CACNA2D3: variants seen among roughly 807,000 people sequenced by gnomAD.
The protein encoded by CACNA2D3 is voltage-dependent calcium channel subunit alpha-2/delta-3.
A neutral mutation model predicts 160.6 loss-of-function variants in CACNA2D3; 60 were observed. That is an observed-to-expected ratio of 0.37 (90% CI 0.30 to 0.46). The LOEUF (loss-of-function observed/expected upper bound fraction) is 0.46. Ranked by LOEUF, CACNA2D3 falls within the 20% of genes least tolerant of loss-of-function variation. CACNA2D3 has a pLI of 1.00. For missense variants in CACNA2D3, 1,205 were observed against 1,365.0 expected (o/e 0.88, Z 1.85); for synonymous variants, 558 against 492.9 (o/e 1.13, Z -1.75).
chr3:54,873,106 C>T (rs1205718112), intron 18 of CACNA2D3, among the ~76,000 whole-genome samples: 1 of 152,000 alleles, frequency 6.6e-6, no homozygotes, highest in African/African-American at 2.4e-5. Flanking sequence ...TTTTATTTTT[C>T]CCCAAGAAAA....
At position 54,518,193 on chromosome 3, in the gene CACNA2D3, G is replaced by A. The variant is rs184069180; in HGVS notation, c.544+14539G>A. ...ACTGTGTGTCAGCGTGGTTACGAGT[G>A]GTGGTTGGGGTCCCATCCCCGCTCC... On this transcript the variant is annotated intron_variant, in intron 5 of 37. Transcript: ENST00000474759. Among the ~76,000 whole-genome samples the A allele has an allele frequency of 2.8e-3, 427 of 152,290 alleles. 3 individuals are homozygous for A. Among genetic ancestry groups the A allele is most frequent in the African/African-American group, 9.8e-3 (408 of 41,578 alleles).
At chr3:54,195,540 A>G (rs913002051) in intron 2 of CACNA2D3, among the ~76,000 whole-genome samples, 3 of 152,174 alleles carry the variant, frequency 2.0e-5, no homozygotes, top group South Asian at 2.1e-4. Flanking sequence ...AGCCATGTGA[A>G]GTTGATGCAG....
rs1434561741 is a variant in CACNA2D3 at position 54,811,501 on chromosome 3, T to A, written c.1381-5352T>A. ...TTTTTTTTTTTTTTTTTTTTTTTTT[T>A]TTTTTTTTTTTTTTGAGACAGCATC... is the stretch of plus-strand genomic sequence containing the variant. On this transcript the variant is annotated intron_variant, in intron 13 of 37. Transcript: ENST00000474759. 3.1e-4 allele frequency among the ~76,000 whole-genome samples: 38 copies of A among 122,048 alleles called. 2 individuals carry two copies. The highest frequency in any genetic ancestry group is 1.2e-3 in the South Asian group (4 of 3,424). 80.1% of individuals were successfully genotyped at this position (122,048 alleles called of 152,430 possible). A position where few individuals can be genotyped will look rare whatever the true frequency, so the allele number is the denominator to read the frequency against.
chr3:54,807,888 A>T (rs1475135998), intron 13 of CACNA2D3, among the ~76,000 whole-genome samples: 3 of 150,240 alleles, frequency 2.0e-5, no homozygotes, highest in Admixed American at 1.3e-4. Context: ...AAAAATGATG[A>T]GTTCATGTCC....
At chr3:54,421,641 A>G (rs892889017) in intron 4 of CACNA2D3, among the ~76,000 whole-genome samples, 3 of 152,026 alleles carry the variant, frequency 2.0e-5, no homozygotes, top group Non-Finnish European at 4.4e-5. Flanking sequence ...GGTTGTTGTC[A>G]TATTTGCTTT....
chr3:54,708,883 T>A (rs1700902392), intron 11 of CACNA2D3, among the ~76,000 whole-genome samples: 1 of 152,206 alleles, frequency 6.6e-6, no homozygotes, highest in Non-Finnish European at 1.5e-5. Flanking sequence ...CCCTATTGAT[T>A]GAAAAGACAA....
chr3:54,413,398 C>A (rs548619900), intron 4 of CACNA2D3, among the ~76,000 whole-genome samples: 14 of 143,222 alleles, frequency 9.8e-5, no homozygotes, highest in East Asian at 2.0e-4. Context: ...ATATATATAT[C>A]TATATATATC....
chr3:54,440,938 C>T (rs1379841109), intron 4 of CACNA2D3, among the ~76,000 whole-genome samples: 11 of 151,980 alleles, frequency 7.2e-5, no homozygotes, highest in Non-Finnish European at 1.2e-4. Flanking sequence ...ATAGTGCCAC[C>T]GTAAACATAC....
At chr3:54,312,321 A>G (rs1410985116) in intron 2 of CACNA2D3, among the ~76,000 whole-genome samples, 3 of 152,292 alleles carry the variant, frequency 2.0e-5, no homozygotes, top group African/African-American at 4.8e-5. Context: ...CCAAGAGACC[A>G]TGTTAACATG....
At chr3:54,681,704 AAC>A (rs1435262194) in intron 11 of CACNA2D3, among the ~76,000 whole-genome samples, 1 of 152,126 alleles carries the variant, frequency 6.6e-6, no homozygotes, top group Non-Finnish European at 1.5e-5. Context: ...TGCTTTCTGA[AAC>A]AGAGTCTCGC....
intron 2 of CACNA2D3, among the ~76,000 whole-genome samples, chr3:54,180,061 G>A (rs905038357): frequency 6.8e-6 from 1 of 147,648 alleles, no homozygotes; most frequent in African/African-American, 2.5e-5. Flanking sequence ...TTATGTCTTA[G>A]CTGATGTTCT....
At chr3:54,935,813 T>C (rs963409045) in intron 27 of CACNA2D3, among the ~76,000 whole-genome samples, 3 of 152,234 alleles carry the variant, frequency 2.0e-5, no homozygotes, top group Non-Finnish European at 4.4e-5. Context: ...TTTTTCTCTT[T>C]AAGGTTTGTT....
chr3:54,353,580 C>T (rs1245895740), intron 3 of CACNA2D3, among the ~76,000 whole-genome samples: 2 of 152,072 alleles, frequency 1.3e-5, no homozygotes, highest in Non-Finnish European at 2.9e-5. Flanking sequence ...GCATTCCCAC[C>T]GCGCCCCCTC....
chr3:54,175,074 T>A (rs537878478), intron 2 of CACNA2D3, among the ~76,000 whole-genome samples: 1 of 152,298 alleles, frequency 6.6e-6, no homozygotes, highest in South Asian at 2.1e-4. Flanking sequence ...CCCAAGACAT[T>A]GAAACTCTTC....
intron 11 of CACNA2D3, among the ~76,000 whole-genome samples, chr3:54,683,833 C>T (rs1480094390): frequency 6.6e-6 from 1 of 152,160 alleles, no homozygotes; most frequent in East Asian, 1.9e-4. Flanking sequence ...TTGTTCCATG[C>T]ATTGCTCCTA....
At chr3:54,571,932 C>G (rs1702505458) in intron 8 of CACNA2D3, among the ~76,000 whole-genome samples, 1 of 152,154 alleles carries the variant, frequency 6.6e-6, no homozygotes, top group African/African-American at 2.4e-5. Context: ...CAGAGTCAAG[C>G]TGGTGCACAG....
At chr3:54,992,336 T>A (rs1013583633) in intron 31 of CACNA2D3, among the ~76,000 whole-genome samples, 1 of 152,166 alleles carries the variant, frequency 6.6e-6, no homozygotes, top group Non-Finnish European at 1.5e-5. Flanking sequence ...TATGGAATGA[T>A]ATGTGAGTAA....
intron 4 of CACNA2D3, among the ~76,000 whole-genome samples, chr3:54,422,296 T>C (rs1699848453): frequency 6.6e-6 from 1 of 152,236 alleles, no homozygotes; most frequent in Admixed American, 6.5e-5. Context: ...GTTTGTGTAC[T>C]ACAGGCCCTA....
intron 17 of CACNA2D3, among the ~76,000 whole-genome samples, chr3:54,859,618 G>A (rs1423240427): frequency 6.6e-6 from 1 of 152,110 alleles, no homozygotes; most frequent in Non-Finnish European, 1.5e-5. Context: ...ATTGTCCCTG[G>A]GAGCATTTGT....
Sources: allele counts gnomAD v4.1 joint callset (sites outside exome capture counted in the v4.1 genomes callset), GRCh38; gene constraint gnomAD v4.1.1; transcripts MANE v1.5; gene names NCBI Gene and HGNC (gene_info 2026-07-23, HGNC 2026-07-21).